The following NLGN1 variants were observed in gnomAD, a reference collection of about 807,000 sequenced individuals.
NLGN1 encodes the protein neuroligin-1.
NLGN1 carries 12 observed loss-of-function variants against 65.5 expected under a neutral mutation model. The observed-to-expected ratio is 0.18, with a 90% CI of 0.12 to 0.30. The LOEUF is 0.30. Ranked by LOEUF, NLGN1 falls within the 10% of genes least tolerant of loss-of-function variation. NLGN1 has a pLI of 1.00. For missense variants in NLGN1, 750 were observed against 1,007.1 expected, an observed-to-expected ratio of 0.74 and a Z score of 3.46; for synonymous variants, 350 against 359.5, an observed-to-expected ratio of 0.97 and a Z score of 0.30.
At chr3:174,269,846 G>A (rs1221370877) in intron 4 of NLGN1, among the ~76,000 whole-genome samples, 1 of 151,786 alleles carries the variant, frequency 6.6e-6, no homozygotes, top group Non-Finnish European at 1.5e-5. Flanking sequence ...CCTATTTTGT[G>A]ATTGATAGTA....
chr3:173,411,891 C>T (rs889756786), intron 1 of NLGN1, among the ~76,000 whole-genome samples: 4 of 151,918 alleles, frequency 2.6e-5, no homozygotes, highest in East Asian at 1.9e-4. Context: ...CAAGCAGTGA[C>T]GAAGCTGACA....
At chr3:174,078,451 C>G (rs1377039204) in intron 4 of NLGN1, among the ~76,000 whole-genome samples, 1 of 152,084 alleles carries the variant, frequency 6.6e-6, no homozygotes, top group East Asian at 1.9e-4. Context: ...TCTTGCAACT[C>G]TGAAATTATA....
intron 4 of NLGN1, among the ~76,000 whole-genome samples, chr3:174,125,200 A>G (rs1718670940): frequency 1.3e-5 from 2 of 152,068 alleles, no homozygotes; most frequent in Admixed American, 6.6e-5. Context: ...TTCAGATTTG[A>G]AAAGACTTTT....
intron 4 of NLGN1, among the ~76,000 whole-genome samples, chr3:173,851,081 G>A (rs1726835710): frequency 6.6e-6 from 1 of 151,884 alleles, no homozygotes; most frequent in South Asian, 2.1e-4. Flanking sequence ...TTATACCATC[G>A]TGTTTTATTT....
intron 4 of NLGN1, among the ~76,000 whole-genome samples, chr3:174,028,201 C>G (rs1270309102): frequency 6.6e-6 from 1 of 152,062 alleles, no homozygotes; most frequent in Non-Finnish European, 1.5e-5. Context: ...CAAAAATGTC[C>G]AAAAATGTGG....
At chr3:173,932,974 G>T (rs1281577307) in intron 4 of NLGN1, among the ~76,000 whole-genome samples, 1 of 152,096 alleles carries the variant, frequency 6.6e-6, no homozygotes, top group Non-Finnish European at 1.5e-5. Flanking sequence ...ATGTATAAAG[G>T]TAATGGGGTG....
At chr3:174,064,642 A>C (rs1277082330) in intron 4 of NLGN1, among the ~76,000 whole-genome samples, 1 of 150,420 alleles carries the variant, frequency 6.6e-6, no homozygotes, top group Non-Finnish European at 1.5e-5. Flanking sequence ...AATAGGATAT[A>C]TGTGTGAATA....
chr3:174,072,665 AG>A (rs894738988), intron 4 of NLGN1, among the ~76,000 whole-genome samples: 1 of 152,182 alleles, frequency 6.6e-6, no homozygotes, highest in African/African-American at 2.4e-5. Flanking sequence ...AGTCCAGAGC[AG>A]GAACAGACCA....
chr3:174,288,722 CACTT>C (rs1052718240), downstream of NLGN1, among the ~76,000 whole-genome samples: 8 of 151,452 alleles, frequency 5.3e-5, no homozygotes, highest in African/African-American at 1.9e-4. Flanking sequence ...CCATAATAAA[CACTT>C]ACGTATAGTT....
At chr3:173,996,984 T>C (rs989672744) in intron 4 of NLGN1, among the ~76,000 whole-genome samples, 10 of 152,114 alleles carry the variant, frequency 6.6e-5, no homozygotes, top group Non-Finnish European at 1.5e-4. Flanking sequence ...CAATGTTTTT[T>C]AAATAGTGGT....
intron 3 of NLGN1, among the ~76,000 whole-genome samples, chr3:173,618,105 G>A (rs1753403496): frequency 1.3e-5 from 2 of 152,126 alleles, no homozygotes; most frequent in South Asian, 4.1e-4. Context: ...CCAATGGCCT[G>A]TGTGGGGTTC....
chr3:173,647,329 A>G (rs1758430698), intron 3 of NLGN1, among the ~76,000 whole-genome samples: 1 of 152,110 alleles, frequency 6.6e-6, no homozygotes, highest in African/African-American at 2.4e-5. Context: ...GAGCAATACT[A>G]ATAACCAATT....
At chr3:173,985,309 G>A (rs765237698) in intron 4 of NLGN1, among the ~76,000 whole-genome samples, 5 of 152,242 alleles carry the variant, frequency 3.3e-5, no homozygotes, top group Non-Finnish European at 7.4e-5. Flanking sequence ...GAGTCATTCT[G>A]TGTGAGATCA....
chr3:173,681,465 G>T (rs1763933999), intron 3 of NLGN1, among the ~76,000 whole-genome samples: 1 of 152,100 alleles, frequency 6.6e-6, no homozygotes, highest in Admixed American at 6.6e-5. Context: ...GTATTTTTGT[G>T]ACAGTCAGTC....
At chr3:173,929,711 T>C (rs1009539954) in intron 4 of NLGN1, among the ~76,000 whole-genome samples, 2 of 151,626 alleles carry the variant, frequency 1.3e-5, no homozygotes, top group African/African-American at 4.8e-5. Context: ...TTTCTTTTTT[T>C]TTTTCTTTTT....
intron 2 of NLGN1, among the ~76,000 whole-genome samples, chr3:173,533,164 G>C (rs934816348): frequency 1.3e-5 from 2 of 152,092 alleles, no homozygotes; most frequent in African/African-American, 4.8e-5. Flanking sequence ...TTCAGTTTCT[G>C]ATTAGAGCTT....
chr3:173,937,782 T>C (rs1745312786), intron 4 of NLGN1, among the ~76,000 whole-genome samples: 2 of 152,140 alleles, frequency 1.3e-5, no homozygotes, highest in African/African-American at 4.8e-5. Context: ...CAAAATAAGA[T>C]AGTAGAAGCA....
At chr3:173,987,916 T>G (rs985819874) in intron 4 of NLGN1, among the ~76,000 whole-genome samples, 1 of 152,188 alleles carries the variant, frequency 6.6e-6, no homozygotes, top group Non-Finnish European at 1.5e-5. Context: ...CCAAATGCCT[T>G]TCCTTATCAA....
chr3:173,828,074 A>G (rs1721730653), intron 4 of NLGN1, among the ~76,000 whole-genome samples: 3 of 152,116 alleles, frequency 2.0e-5, no homozygotes, highest in Admixed American at 2.0e-4. Flanking sequence ...CCATTACTCC[A>G]TATTAATATT....
Sources: allele counts gnomAD v4.1 joint callset (sites outside exome capture counted in the v4.1 genomes callset), GRCh38; gene constraint gnomAD v4.1.1; transcripts MANE v1.5; gene names NCBI Gene and HGNC (gene_info 2026-07-23, HGNC 2026-07-21).